Variants in YES1 observed in about 807,000 individuals in gnomAD.
YES1 encodes YES proto-oncogene 1, Src family tyrosine kinase, also known as tyrosine-protein kinase Yes.
Under a neutral mutation model 70.4 loss-of-function variants are expected in YES1, and 39 were observed. That is an observed-to-expected ratio of 0.55 (90% confidence interval 0.43 to 0.72). The LOEUF (loss-of-function observed/expected upper bound fraction) is 0.72, where lower values mean the gene tolerates loss of function less well. Ranked by LOEUF, YES1 falls within the 30% of genes least tolerant of loss-of-function variation. The pLI is 0.00. For synonymous variants in YES1, 198 were observed against 218.6 expected, an observed-to-expected ratio of 0.91 and a Z score of 0.83; for missense variants, 495 against 644.8, an observed-to-expected ratio of 0.77 and a Z score of 2.52.
chr18:727,674 T>A (rs2080037545), intron 11 of YES1, among the ~76,000 whole-genome samples: 2 of 152,226 alleles, frequency 1.3e-5, no homozygotes, highest in African/African-American at 4.8e-5. Flanking sequence ...ATAAGTACTT[T>A]TACCTGTTCC....
intron 3 of YES1, among the ~76,000 whole-genome samples, chr18:748,797 TA>T (rs35481075): frequency 0.49 from 73,553 of 150,002 alleles, 18,916 homozygotes; most frequent in East Asian, 0.7. Flanking sequence ...TCATTTTAGA[TA>T]AAAAAAAAAA....
chr18:788,998 T>C (rs1233586769), intron 1 of YES1, among the ~76,000 whole-genome samples: 1 of 152,212 alleles, frequency 6.6e-6, no homozygotes, highest in East Asian at 1.9e-4. Context: ...CTGAATTATA[T>C]AAAGATTTAT....
chr18:734,409 AT>A (rs1340696784), intron 10 of YES1, among the ~76,000 whole-genome samples: 6 of 150,308 alleles, frequency 4.0e-5, no homozygotes, highest in Non-Finnish European at 8.9e-5. Context: ...AAAAAAAAAA[AT>A]TAGCCGAGCT....
At chr18:798,526 G>C (rs1343555245) in intron 1 of YES1, among the ~76,000 whole-genome samples, 1 of 152,106 alleles carries the variant, frequency 6.6e-6, no homozygotes, top group East Asian at 1.9e-4. Context: ...GGGGGAAAAG[G>C]GGAAATGGTG....
chr18:777,485 C>T (rs1447489174), intron 1 of YES1, among the ~76,000 whole-genome samples: 1 of 152,132 alleles, frequency 6.6e-6, no homozygotes, highest in Non-Finnish European at 1.5e-5. Context: ...AAATTTTCAA[C>T]TTTATGTTAG....
chr18:799,058 TGTTAGTCCGTTGGACTAACCA>T (rs1906684983), intron 1 of YES1, among the ~76,000 whole-genome samples: 1 of 152,226 alleles, frequency 6.6e-6, no homozygotes, highest in Non-Finnish European at 1.5e-5. Context: ...TTCTTAAATG[TGTTAGTCCGTTGGACTAACCA>T]GTTTGCTTTA....
intron 1 of YES1, among the ~76,000 whole-genome samples, chr18:785,778 G>GA (rs35217977): frequency 0.15 from 20,915 of 135,512 alleles, 1,683 homozygotes; most frequent in South Asian, 0.27. Flanking sequence ...TCTACAAAAG[G>GA]AAAAAAAAAA....
intron 2 of YES1, among the ~76,000 whole-genome samples, chr18:752,673 T>C (rs1302870230): frequency 6.6e-6 from 1 of 152,154 alleles, no homozygotes; most frequent in East Asian, 1.9e-4. Flanking sequence ...ACGGTCACAG[T>C]GGTTCACGTC....
At chr18:736,984 A>C in intron 9 of YES1, 23 bp from the exon 10 acceptor site, 1 of 1,582,348 alleles carries the variant, frequency 6.3e-7, no homozygotes, top group Non-Finnish European at 8.6e-7. Context: ...AAAACAAAAA[A>C]CACAAGACAT....
chr18:802,321 A>T (rs1311817388), intron 1 of YES1, among the ~76,000 whole-genome samples: 1 of 152,146 alleles, frequency 6.6e-6, no homozygotes, highest in Non-Finnish European at 1.5e-5. Context: ...TAATCCCAGC[A>T]CTCTGGGAGG....
At chr18:774,210 A>G (rs2145784529) in intron 1 of YES1, among the ~76,000 whole-genome samples, 1 of 152,226 alleles carries the variant, frequency 6.6e-6, no homozygotes, top group South Asian at 2.1e-4. Flanking sequence ...TCCTTTGCTA[A>G]CTGTTCCTCA....
At chr18:786,544 C>T (rs1905957833) in intron 1 of YES1, among the ~76,000 whole-genome samples, 2 of 144,608 alleles carry the variant, frequency 1.4e-5, no homozygotes, top group Non-Finnish European at 3.0e-5. Context: ...CACAGAGTTG[C>T]TCCTCATTAT....
At chr18:797,865 A>G (rs764836123) in intron 1 of YES1, 2 of 152,196 alleles carry the variant, frequency 1.3e-5, no homozygotes, top group Non-Finnish European at 2.9e-5. Flanking sequence ...CAGAACCTTG[A>G]GATATAATTC....
intron 1 of YES1, among the ~76,000 whole-genome samples, chr18:805,578 T>A (rs1260079554): frequency 2.6e-5 from 4 of 152,202 alleles, no homozygotes; most frequent in Admixed American, 6.5e-5. Context: ...GTTTACTGAA[T>A]CGACCAAGGC....
At chr18:793,031 T>C (rs914312316) in intron 1 of YES1, among the ~76,000 whole-genome samples, 1 of 150,498 alleles carries the variant, frequency 6.6e-6, no homozygotes, top group Non-Finnish European at 1.5e-5. Context: ...ATTATAATTA[T>C]TATTATTATT....
At chr18:752,800 A>G (rs1003558645) in intron 2 of YES1, among the ~76,000 whole-genome samples, 2 of 152,046 alleles carry the variant, frequency 1.3e-5, no homozygotes, top group Non-Finnish European at 2.9e-5. Flanking sequence ...AAAATTAGCC[A>G]GGCATGGTGG....
rs117638639 is a variant in YES1, at chr18:802,244, T to C, written c.-9+9870A>G. 1.4e-4 allele frequency among the ~76,000 whole-genome samples: 21 copies of C among 151,618 alleles called. No individual in the cohort carries two copies. In the East Asian group the frequency reaches 3.7e-3, roughly 27 times the overall value. On this transcript the variant is annotated intron_variant, in intron 1 of 11. Coordinates refer to ENST00000314574, the MANE Select transcript of YES1 (RefSeq NM_005433.4). ...AGCCTGGGCAAACACAGCAAGACCA[T>C]CTCTCTTAAAAAAGAAAGAAAATAA... is the stretch of plus-strand genomic sequence containing the variant.
At chr18:787,572 T>C (rs1906028160) in intron 1 of YES1, among the ~76,000 whole-genome samples, 1 of 152,038 alleles carries the variant, frequency 6.6e-6, no homozygotes, top group African/African-American at 2.4e-5. Context: ...TGGCTGGGCA[T>C]GCTGGTGCGT....
chr18:739,658 A>G (rs1051582470), intron 9 of YES1, 77 bp downstream of exon 9: 109 of 1,162,898 alleles, frequency 9.4e-5, no homozygotes, highest in African/African-American at 1.2e-4. Context: ...TACACATACT[A>G]TAATATTCTG....
Sources: gnomAD v4.1 joint callset for allele counts (sites outside exome capture counted in the v4.1 genomes callset) on GRCh38, gnomAD v4.1.1 for gene constraint, MANE v1.5 for transcripts, NCBI Gene and HGNC (gene_info 2026-07-23, HGNC 2026-07-21) for gene names.